The following SRSF1 variants were observed in gnomAD, a reference collection of about 807,000 sequenced individuals.
SRSF1 encodes the protein serine and arginine rich splicing factor 1.
In SRSF1, 1 loss-of-function variant was observed where a neutral mutation model predicts 25.9. That is an observed-to-expected ratio of 0.04 (90% confidence interval 0.01 to 0.18). The LOEUF is 0.18. Among genes scored for constraint, SRSF1 ranks in the 10% least tolerant of loss-of-function variants. SRSF1 has a pLI of 1.00. For missense variants in SRSF1, 65 were observed against 350.5 expected (o/e 0.19, Z 6.50); for synonymous variants, 132 against 126.2 (o/e 1.05, Z -0.31).
chr17:57,989,884 A>G, the SRSF1 span: 1 of 397,346 alleles, frequency 2.5e-6, no homozygotes, highest in Non-Finnish European at 4.4e-6. Flanking sequence ...GTCTCCTGTA[A>G]TGTCCAAACC....
At chr17:57,993,006 G>A in the SRSF1 span, 2 of 152,316 alleles carry the variant, frequency 1.3e-5, no homozygotes, top group Non-Finnish European at 2.9e-5. Flanking sequence ...AATGCTAACA[G>A]ATGGCAACAC....
intron 1 of SRSF1, 75 bp from the exon 2 acceptor site, chr17:58,006,602 C>G: frequency 3.4e-6 from 5 of 1,478,250 alleles, no homozygotes; most frequent in Non-Finnish European, 4.5e-6. Context: ...ACCAGCAAAC[C>G]CCCCGCACAT....
intron 2 of SRSF1, 124 bp downstream of exon 2, chr17:58,006,219 C>A: frequency 7.8e-7 from 1 of 1,277,166 alleles, no homozygotes; most frequent in Non-Finnish European, 1.1e-6. Flanking sequence ...TTAAATTCAC[C>A]CAAAAACTAA....
chr17:58,006,164 C>T (rs1567749027), intron 2 of SRSF1, 179 bp downstream of exon 2: 1 of 971,798 alleles, frequency 1.0e-6, no homozygotes, highest in Non-Finnish European at 1.5e-6. Flanking sequence ...GTATCTAGTA[C>T]CGCAACCTAA....
rs529950807 is a variant in SRSF1 at position 58,007,235 on chromosome 17, C to T, written c.-98G>A. 2.2e-5 allele frequency: 31 copies of T among 1,427,442 alleles called. No homozygotes were observed. In the Admixed American group the frequency reaches 3.1e-4, roughly 14 times the overall value. The allele number at this position is 1,427,442 out of a possible 1,614,324, so 88.4% of individuals were successfully genotyped here. The stretch of plus-strand genomic sequence containing the variant: ...AGCGGCACCACGTCTCCCGCGGCCC[C>T]TCCAAAATGGCGCCTTTATCAGCTC... On this transcript the variant is annotated 5_prime_UTR_variant, in exon 1 of 4. Coordinates refer to ENST00000258962, the MANE Select transcript of SRSF1 (RefSeq NM_006924.5).
downstream of SRSF1, among the ~76,000 whole-genome samples, chr17:57,998,363 T>G (rs945333415): frequency 6.6e-6 from 1 of 152,284 alleles, no homozygotes; most frequent in African/African-American, 2.4e-5. Flanking sequence ...TCCTATAATC[T>G]TATGTATTAA....
downstream of SRSF1, among the ~76,000 whole-genome samples, chr17:57,997,130 G>C (rs2075368521): frequency 6.6e-6 from 1 of 152,176 alleles, no homozygotes; most frequent in African/African-American, 2.4e-5. Flanking sequence ...AATTCTTGGT[G>C]ATCTGTACTG....
chr17:57,992,091 G>A, the SRSF1 span: 1 of 152,164 alleles, frequency 6.6e-6, no homozygotes, highest in African/African-American at 2.4e-5. Flanking sequence ...GCTTGTTGAA[G>A]GACACCAGCA....
chr17:58,005,982 G>A lies in SRSF1; in HGVS notation c.380-9C>T. The A allele has an allele frequency of 1.2e-6, 2 of 1,606,192 alleles. No homozygotes were observed. Among genetic ancestry groups the A allele is most frequent in the Non-Finnish European group, 1.7e-6 (2 of 1,178,834 alleles). On this transcript the variant is annotated splice_polypyrimidine_tract_variant and intron_variant, in intron 2 of 3. Coordinates refer to ENST00000258962, the MANE Select transcript of SRSF1 (RefSeq NM_006924.5). The surrounding 1 kb of genome is among the most constrained non-coding windows in gnomAD (Gnocchi z 5.2). ...TCCACTTGGAGGCAGTCCTGAAAAA[G>A]TGATTTTTTTTTTCTTAGTACCAAT...
At chr17:58,006,822 T>TA (rs1461753181) in intron 1 of SRSF1, 122 bp downstream of exon 1, 2 of 1,212,218 alleles carry the variant, frequency 1.6e-6, no homozygotes, top group African/African-American at 3.0e-5. Flanking sequence ...GCATGGGCGA[T>TA]ACAGTCTCGC....
Sources: gnomAD v4.1 joint callset for allele counts (sites outside exome capture counted in the v4.1 genomes callset) on GRCh38, gnomAD v4.1.1 for gene constraint, Gnocchi (gnomAD v3.1) non-coding constraint, MANE v1.5 for transcripts, NCBI Gene and HGNC (gene_info 2026-07-23, HGNC 2026-07-21) for gene names.